Variants in NCKAP1 observed in about 807,000 individuals in gnomAD.
NCKAP1 encodes NCK associated protein 1.
In NCKAP1, 21 loss-of-function variants were observed where a neutral mutation model predicts 151.2. That is an observed-to-expected ratio of 0.14 (90% CI 0.10 to 0.20). The LOEUF (loss-of-function observed/expected upper bound fraction) is 0.20, where lower values mean the gene tolerates loss of function less well. Among genes scored for constraint, NCKAP1 ranks in the 10% least tolerant of loss-of-function variants. The pLI is 1.00. For missense variants in NCKAP1, 933 were observed against 1,352.1 expected (o/e 0.69, Z 4.86); for synonymous variants, 484 against 451.8 (o/e 1.07, Z -0.90).
intron 12 of NCKAP1, among the ~76,000 whole-genome samples, chr2:182,981,837 AGG>A (rs1227482670): frequency 6.9e-6 from 1 of 143,938 alleles, no homozygotes; most frequent in African/African-American, 2.5e-5. Context: ...TGAACCCAGG[AGG>A]TTGAGGTTGC....
chr2:183,037,042 A>G (rs1468917341), intron 1 of NCKAP1, among the ~76,000 whole-genome samples: 1 of 151,966 alleles, frequency 6.6e-6, no homozygotes, highest in African/African-American at 2.4e-5. Context: ...AAGGGGAGAG[A>G]TTTTGTTGTT....
chr2:183,030,329 C>T (rs1698981333), intron 1 of NCKAP1, among the ~76,000 whole-genome samples: 1 of 152,088 alleles, frequency 6.6e-6, no homozygotes, highest in Non-Finnish European at 1.5e-5. Flanking sequence ...TGCCTAGCTT[C>T]AGTTTTATTT....
intron 2 of NCKAP1, among the ~76,000 whole-genome samples, chr2:183,016,163 G>T: frequency 6.6e-6 from 1 of 151,996 alleles, no homozygotes; most frequent in East Asian, 1.9e-4. Context: ...AGTAAACTAG[G>T]AGATATTCAC....
intron 7 of NCKAP1, among the ~76,000 whole-genome samples, chr2:182,995,353 T>C (rs887757764): frequency 2.0e-5 from 3 of 152,166 alleles, no homozygotes; most frequent in African/African-American, 7.2e-5. Flanking sequence ...AAAAATATAA[T>C]GGAATATAAC....
At position 183,002,046 on chromosome 2, in the gene NCKAP1, TAAAAC is replaced by T. The variant is rs1559101418; in HGVS notation, c.513-8_513-4del. The T allele has an allele frequency of 1.9e-6, 3 of 1,613,346 alleles. No individual in the cohort carries two copies. In the East Asian group the frequency reaches 6.7e-5, roughly 36 times the overall value. The stretch of plus-strand genomic sequence containing the variant: ...CAAGGCGTGGGTATTCTCTGTCACT[TAAAAC>T]AGACATATCAAATTTCAATGAGTTG... On this transcript the variant is annotated splice_polypyrimidine_tract_variant and splice_region_variant and intron_variant, in intron 5 of 30. Coordinates refer to ENST00000361354, the MANE Select transcript of NCKAP1 (RefSeq NM_013436.5).
chr2:183,028,764 T>C (rs1027108442), intron 1 of NCKAP1, among the ~76,000 whole-genome samples: 1 of 152,142 alleles, frequency 6.6e-6, no homozygotes, highest in South Asian at 2.1e-4. Context: ...TAAAACTTCT[T>C]TATATACATG....
chr2:182,938,524 C>T (rs79276502), intron 24 of NCKAP1, among the ~76,000 whole-genome samples: 2,178 of 152,214 alleles, frequency 0.014, 54 homozygotes, highest in African/African-American at 0.05. Flanking sequence ...GGAAAGTGGA[C>T]ATATTACAGC....
Position 182,986,678 on chromosome 2 carries a change from T to A in NCKAP1, c.948-451A>T, listed in dbSNP as rs570389706. Reference sequence around the variant, plus strand: ...TTAGTGATCAAAAGTAATGACTGTTTGGATAAAAAGGTTTTGTGAAGGAGA... The same window carrying A: ...TTAGTGATCAAAAGTAATGACTGTTAGGATAAAAAGGTTTTGTGAAGGAGA... On this transcript the variant is annotated intron_variant, in intron 9 of 30. Coordinates refer to ENST00000361354, the MANE Select transcript of NCKAP1 (RefSeq NM_013436.5). Among the ~76,000 whole-genome samples the A allele has an allele frequency of 7.2e-5, 11 of 152,256 alleles. No individual in the cohort carries two copies. In the East Asian group the frequency reaches 1.7e-3, roughly 24 times the overall value.
intron 3 of NCKAP1, 60 bp from the exon 4 acceptor site, chr2:183,003,090 C>A: frequency 1.4e-6 from 2 of 1,464,902 alleles, no homozygotes; most frequent in African/African-American, 1.4e-5. Context: ...ATTCAGAAAA[C>A]ACAAACAAAT....
rs1696427558 is a variant in NCKAP1 at position 182,913,637 on chromosome 2, C to T, written c.*12065G>A. 6.6e-6 allele frequency: 1 copy of T among 152,128 alleles called. No homozygotes were observed. Among genetic ancestry groups the T allele is most frequent in the South Asian group, 2.1e-4 (1 of 4,824 alleles). The allele number at this position is 152,128 out of a possible 1,614,324, so 9.4% of individuals were successfully genotyped here. A position where few individuals can be genotyped will look rare whatever the true frequency, so the allele number is the denominator to read the frequency against. ...ATAAATTTCTTTACTTTATAAATTA[C>T]CCAGTCTCGGGTATTCAGCTATAGC... On this transcript the variant is annotated 3_prime_UTR_variant, in exon 31 of 31. Transcript: ENST00000361354.
At chr2:182,962,670 CTG>C (rs1306832288) in intron 17 of NCKAP1, among the ~76,000 whole-genome samples, 2 of 151,958 alleles carry the variant, frequency 1.3e-5, no homozygotes, top group Admixed American at 6.6e-5. Flanking sequence ...CATTTAAAAT[CTG>C]TGTCTCTATA....
intron 23 of NCKAP1, among the ~76,000 whole-genome samples, chr2:182,945,416 A>G (rs1025289329): frequency 3.3e-5 from 5 of 152,060 alleles, no homozygotes; most frequent in African/African-American, 1.2e-4. Flanking sequence ...AAGAAAGAAA[A>G]AAAAACCAGC....
chr2:182,971,393 C>CAAAAAA (rs1190689259), intron 15 of NCKAP1, among the ~76,000 whole-genome samples: 2 of 68,944 alleles, frequency 2.9e-5, no homozygotes, highest in Non-Finnish European at 2.9e-5. Context: ...GACTCCGTCT[C>CAAAAAA]AAAAAAAAAA....
Position 182,909,314 on chromosome 2 carries a change from TC to T in NCKAP1, c.*16387del, listed in dbSNP as rs1367743962. On this transcript the variant is annotated 3_prime_UTR_variant, in exon 31 of 31. Transcript: ENST00000361354. ...ATCCACTGTCAGAACTTTTTCGTCT[TC>T]CCCAACTGAAACTCTGTTCCCTTCA... is the stretch of plus-strand genomic sequence containing the variant. 3 of 152,242 alleles carry T rather than the reference TC, an allele frequency of 2.0e-5. No individual in the cohort carries two copies. The highest frequency in any genetic ancestry group is 4.4e-5 in the Non-Finnish European group (3 of 68,052). 9.4% of individuals were successfully genotyped at this position (152,242 alleles called of 1,614,324 possible). A position where few individuals can be genotyped will look rare whatever the true frequency, so the allele number is the denominator to read the frequency against.
chr2:182,980,921 A>C (rs779522428), intron 13 of NCKAP1, among the ~76,000 whole-genome samples: 9 of 152,020 alleles, frequency 5.9e-5, no homozygotes, highest in Non-Finnish European at 1.3e-4. Context: ...TGATCTTTTT[A>C]AGTAGTACAC....
intron 1 of NCKAP1, among the ~76,000 whole-genome samples, 170 bp from the exon 2 acceptor site, chr2:183,024,086 C>T (rs1698844221): frequency 6.6e-6 from 1 of 151,580 alleles, no homozygotes; most frequent in African/African-American, 2.4e-5. Context: ...CAATGGGAGA[C>T]AGTACAGAGA....
rs1696553823 is a variant in NCKAP1, at chr2:182,921,789, G to A, written c.*3913C>T. 2 of 152,174 alleles carry A rather than the reference G, an allele frequency of 1.3e-5. No homozygotes were observed. Among genetic ancestry groups the A allele is most frequent in the Admixed American group, 1.3e-4 (2 of 15,284 alleles). The allele number at this position is 152,174 out of a possible 1,614,324, so 9.4% of individuals were successfully genotyped here. On this transcript the variant is annotated 3_prime_UTR_variant, in exon 31 of 31. Coordinates refer to ENST00000361354, the MANE Select transcript of NCKAP1 (RefSeq NM_013436.5). ...TCAAGGACAGCGATGTGTAGGGAAA[G>A]TTTGGTTCATGCAAAAATGAATGAA... is the stretch of plus-strand genomic sequence containing the variant.
intron 2 of NCKAP1, among the ~76,000 whole-genome samples, chr2:183,017,241 G>C (rs1698709911): frequency 6.6e-6 from 1 of 152,036 alleles, no homozygotes; most frequent in Non-Finnish European, 1.5e-5. Flanking sequence ...GGTTTGGGGT[G>C]ACTAAAGCAC....
At chr2:182,948,105 C>G (rs183974795) in intron 23 of NCKAP1, among the ~76,000 whole-genome samples, 3 of 151,694 alleles carry the variant, frequency 2.0e-5, no homozygotes, top group Non-Finnish European at 2.9e-5. Context: ...GATGAAGGCA[C>G]AATATTAAAA....
Sources: allele counts gnomAD v4.1 joint callset (sites outside exome capture counted in the v4.1 genomes callset), GRCh38; gene constraint gnomAD v4.1.1; transcripts MANE v1.5; gene names NCBI Gene and HGNC (gene_info 2026-07-23, HGNC 2026-07-21).